Variants in OR5H2 observed in about 807,000 individuals in gnomAD.
OR5H2 encodes the protein olfactory receptor family 5 subfamily H member 2.
For synonymous variants in OR5H2, 132 were observed against 126.8 expected, an observed-to-expected ratio of 1.04 and a Z score of -0.27; for missense variants, 391 against 364.4, an observed-to-expected ratio of 1.07 and a Z score of -0.59.
In OR5H2 at chr3:98,283,029, C is replaced by T. The variant is rs773652333; in HGVS notation, c.127C>T (p.Leu43Phe). 3 of 1,613,986 alleles carry T rather than the reference C, an allele frequency of 1.9e-6. No individual in the cohort carries two copies. The highest frequency in any genetic ancestry group is 2.5e-6 in the Non-Finnish European group (3 of 1,179,928). The change falls in exon 1 of 1, where the codon CTT becomes TTT. Residue 43 changes from leucine to phenylalanine, a missense_variant. Physicochemically the swap from Leu to Phe is conservative, Grantham distance 22. Coordinates refer to ENST00000355273, the MANE Select transcript of OR5H2 (RefSeq NM_001005482.2). Reference protein sequence around the residue: ...VIYLITIVWNLGLIALIWNDP... With the variant: ...VIYLITIVWNFGLIALIWNDP... ...CTATCTCATCACTATTGTGTGGAAC[C>T]TTGGTCTGATTGCTCTTATCTGGAA...
Position 98,283,272 on chromosome 3 carries a change from G to A in OR5H2, c.370G>A (p.Val124Ile), listed in dbSNP as rs760702252. 1.2e-6 allele frequency: 2 copies of A among 1,613,712 alleles called. No individual in the cohort carries two copies. Among genetic ancestry groups the A allele is most frequent in the East Asian group, 4.5e-5 (2 of 44,864 alleles). ...GGCAACAATGGCATATGATCGCTAT[G>A]TAGCCATATGCAAACCTTTACTATA... is the stretch of plus-strand genomic sequence containing the variant. ...LLATMAYDRY[V>I]AICKPLLYPV... Residue 124 changes from valine (V) to isoleucine (I), a missense_variant, in exon 1 of 1, where the codon GTA (valine) becomes ATA (isoleucine). By Grantham distance (29) the Val-to-Ile change is conservative. Coordinates refer to ENST00000355273, the MANE Select transcript of OR5H2 (RefSeq NM_001005482.2).
chr3:98,283,696 C>T lies in OR5H2; in HGVS notation c.794C>T (p.Pro265Leu), dbSNP rs1251322364. 1 of 1,612,966 alleles carries T rather than the reference C, an allele frequency of 6.2e-7. No individual in the cohort carries two copies. The highest frequency in any genetic ancestry group is 1.1e-5 in the South Asian group (1 of 90,960). Residue 265 changes from proline (P) to leucine (L), a missense_variant, in exon 1 of 1, where the codon CCA becomes CTA. Transcript: ENST00000355273. Reference sequence around the variant, plus strand: ...TTCATGTATTTGCGCCCTGCATCTCCACAAGCAGATGACCAAGATATGATA... The same window carrying T: ...TTCATGTATTTGCGCCCTGCATCTCTACAAGCAGATGACCAAGATATGATA... ...LIFMYLRPAS[P>L]QADDQDMIDS...
Position 98,283,242 on chromosome 3 carries a change from C to G in OR5H2, c.340C>G (p.Leu114Val), listed in dbSNP as rs771224067. 6.2e-7 allele frequency: 1 copy of G among 1,613,934 alleles called. No individual in the cohort carries two copies. The highest frequency in any genetic ancestry group is 2.2e-5 in the East Asian group (1 of 44,860). Residue 114 changes from leucine to valine, a missense_variant, in exon 1 of 1, where the codon CTC becomes GTC. Leu to Val is a conservative substitution (Grantham distance 32). Coordinates refer to ENST00000355273, the MANE Select transcript of OR5H2 (RefSeq NM_001005482.2). ...ATTTGGTGGAACTACAGAATGTTTT[C>G]TCTTGGCAACAATGGCATATGATCG... ...FAFGGTTECF[L>V]LATMAYDRYV... is the part of the protein sequence containing the mutation.
Position 98,283,169 on chromosome 3 carries a change from C to G in OR5H2, c.267C>G (p.Asn89Lys), listed in dbSNP as rs200743162. 1 of 1,614,044 alleles carries G rather than the reference C, an allele frequency of 6.2e-7. No homozygotes were observed. The highest frequency in any genetic ancestry group is 2.2e-5 in the East Asian group (1 of 44,876). The change falls in exon 1 of 1, where the codon AAC (asparagine) becomes AAG (lysine). Residue 89 changes from asparagine to lysine, a missense_variant. By Grantham distance (94) the Asn-to-Lys change is moderately conservative. Coordinates refer to ENST00000355273, the MANE Select transcript of OR5H2 (RefSeq NM_001005482.2). ...PKMLVNFLAKNRMISLSECMI... is the reference protein window; with the variant it reads ...PKMLVNFLAKKRMISLSECMI... ...TGTTGGTTAATTTCTTGGCCAAAAA[C>G]AGGATGATATCTCTGTCTGAATGCA...
In OR5H2 at chr3:98,283,122, T is replaced by C; in HGVS notation, c.220T>C (p.Ser74Pro). The C allele has an allele frequency of 6.2e-7, 1 of 1,614,054 alleles. No individual in the cohort carries two copies. Among genetic ancestry groups the C allele is most frequent in the Non-Finnish European group, 8.5e-7 (1 of 1,179,918 alleles). The change falls in exon 1 of 1, where the codon TCT becomes CCT. Residue 74 changes from serine (S) to proline (P), a missense_variant. Transcript: ENST00000355273. The stretch of plus-strand genomic sequence containing the variant: ...TTTAGCCTTTGTTGATGCTTGGATA[T>C]CTTCCACAGTAACTCCCAAAATGTT... ...GSLAFVDAWI[S>P]STVTPKMLVN...
Position 98,282,993 on chromosome 3 carries a change from T to C in OR5H2, c.91T>C (p.Phe31Leu). 6.2e-7 allele frequency: 1 copy of C among 1,613,804 alleles called. No individual in the cohort carries two copies. Among genetic ancestry groups the C allele is most frequent in the Non-Finnish European group, 8.5e-7 (1 of 1,179,892 alleles). ...GTGGAAAATGCCCCTGTTCTTGGTG[T>C]TCTTGGTGATCTATCTCATCACTAT... ...PEWKMPLFLV[F>L]LVIYLITIVW... is the part of the protein sequence containing the mutation. Residue 31 changes from phenylalanine (F) to leucine (L), a missense_variant, in exon 1 of 1, where the codon TTC becomes CTC. Phe to Leu is a conservative substitution (Grantham distance 22). Transcript: ENST00000355273.
Position 98,283,195 on chromosome 3 carries a change from T to C in OR5H2, c.293T>C (p.Met98Thr), listed in dbSNP as rs761623775. ...AGGATGATATCTCTGTCTGAATGCA[T>C]GATTCAATTTTTTTCCTTTGCATTT... ...KNRMISLSEC[M>T]IQFFSFAFGG... The change falls in exon 1 of 1, where the codon ATG becomes ACG. Residue 98 changes from methionine to threonine, a missense_variant. By Grantham distance (81) the Met-to-Thr change is moderately conservative. Coordinates refer to ENST00000355273, the MANE Select transcript of OR5H2 (RefSeq NM_001005482.2). 1 of 1,614,004 alleles carries C rather than the reference T, an allele frequency of 6.2e-7. No homozygotes were observed. Among genetic ancestry groups the C allele is most frequent in the Non-Finnish European group, 8.5e-7 (1 of 1,179,946 alleles).
chr3:98,283,799 T>C lies in OR5H2; in HGVS notation c.897T>C (p.Asp299=). 6.5e-7 allele frequency: 1 copy of C among 1,544,730 alleles called. No individual in the cohort carries two copies. The highest frequency in any genetic ancestry group is 8.8e-7 in the Non-Finnish European group (1 of 1,141,622). Residue 299 remains aspartate (D), a synonymous_variant, in exon 1 of 1, where the codon GAT becomes GAC. Transcript: ENST00000355273. ...GTCTGAGAAATAAACAAGTAATAGA[T>C]TCATTCACAAAAATGGTAAAAAGAA... ...IYSLRNKQVI[D]SFTKMVKRNV is the part of the protein sequence containing the mutation.
chr3:98,283,285 A>C lies in OR5H2; in HGVS notation c.383A>C (p.Lys128Thr). 6.2e-7 allele frequency: 1 copy of C among 1,613,844 alleles called. No homozygotes were observed. Among genetic ancestry groups the C allele is most frequent in the Non-Finnish European group, 8.5e-7 (1 of 1,179,912 alleles). ...MAYDRYVAICKPLLYPVIMNN... is the reference protein window; with the variant it reads ...MAYDRYVAICTPLLYPVIMNN... ...TATGATCGCTATGTAGCCATATGCA[A>C]ACCTTTACTATATCCAGTGATTATG... The change falls in exon 1 of 1, where the codon AAA becomes ACA. Residue 128 changes from lysine (K) to threonine (T), a missense_variant. Lys to Thr is a moderately conservative substitution (Grantham distance 78). Transcript: ENST00000355273.
chr3:98,283,155 T>G lies in OR5H2; in HGVS notation c.253T>G (p.Phe85Val). Residue 85 changes from phenylalanine (F) to valine (V), a missense_variant, in exon 1 of 1, where the codon TTC (phenylalanine) becomes GTC (valine). Coordinates refer to ENST00000355273, the MANE Select transcript of OR5H2 (RefSeq NM_001005482.2). ...AGTAACTCCCAAAATGTTGGTTAAT[T>G]TCTTGGCCAAAAACAGGATGATATC... ...STVTPKMLVN[F>V]LAKNRMISLS... 6.2e-7 allele frequency: 1 copy of G among 1,614,050 alleles called. No homozygotes were observed. The highest frequency in any genetic ancestry group is 1.3e-5 in the African/African-American group (1 of 75,032).
At position 98,283,201 on chromosome 3, in the gene OR5H2, A is replaced by C. The variant is rs767536609; in HGVS notation, c.299A>C (p.Gln100Pro). 5.3e-5 allele frequency: 85 copies of C among 1,613,830 alleles called. No homozygotes were observed. Among genetic ancestry groups the C allele is most frequent in the Non-Finnish European group, 7.1e-5 (84 of 1,179,930 alleles). ...RMISLSECMI[Q>P]FFSFAFGGTT... ...ATATCTCTGTCTGAATGCATGATTC[A>C]ATTTTTTTCCTTTGCATTTGGTGGA... Residue 100 changes from glutamine (Q) to proline (P), a missense_variant, in exon 1 of 1, where the codon CAA (glutamine) becomes CCA (proline). Gln to Pro is a moderately conservative substitution (Grantham distance 76). Coordinates refer to ENST00000355273, the MANE Select transcript of OR5H2 (RefSeq NM_001005482.2).
Position 98,283,832 on chromosome 3 carries a change from G to T in OR5H2, c.930G>T (p.Ter310TyrextTer3), listed in dbSNP as rs374320933. ...CAAAAATGGTAAAAAGAAATGTTTA[G>T]ATTTCATAGTGATATCTCTCATTTT... is the stretch of plus-strand genomic sequence containing the variant. ...SFTKMVKRNV[*>Y] is the part of the protein sequence containing the mutation. Residue 310 changes from the stop codon to tyrosine, a stop_lost, in exon 1 of 1, where the codon TAG (stop) becomes TAT (tyrosine). Transcript: ENST00000355273. 6.8e-7 allele frequency: 1 copy of T among 1,470,416 alleles called. No homozygotes were observed. Among genetic ancestry groups the T allele is most frequent in the South Asian group, 1.3e-5 (1 of 79,900 alleles). 91.1% of individuals were successfully genotyped at this position (1,470,416 alleles called of 1,614,324 possible).
rs773217642 is a variant in OR5H2, at chr3:98,283,268, C to T, written c.366C>T (p.Arg122=). The T allele has an allele frequency of 6.2e-7, 1 of 1,613,890 alleles. No individual in the cohort carries two copies. The highest frequency in any genetic ancestry group is 2.2e-5 in the East Asian group (1 of 44,866). ...TCTTGGCAACAATGGCATATGATCG[C>T]TATGTAGCCATATGCAAACCTTTAC... The part of the protein sequence containing the change: ...CFLLATMAYD[R]YVAICKPLLY... Residue 122 remains arginine (R), a synonymous_variant, in exon 1 of 1, where the codon CGC becomes CGT. Transcript: ENST00000355273.
In OR5H2 at chr3:98,282,892, C is replaced by T. The variant is rs146308829; in HGVS notation, c.-11C>T. ...TTACTGCATTTCATTTCAGGGATGT[C>T]GAATGAGGACATGGAACAGGATAAT... On this transcript the variant is annotated 5_prime_UTR_variant, in exon 1 of 1. An upstream open reading frame in the 5' UTR gains an earlier in-frame stop. Coordinates refer to ENST00000355273, the MANE Select transcript of OR5H2 (RefSeq NM_001005482.2). The T allele has an allele frequency of 1.1e-4, 179 of 1,611,950 alleles. No individual in the cohort carries two copies. In the African/African-American group the frequency reaches 1.7e-3, roughly 15 times the overall value.
rs766645818 is a variant in OR5H2, at chr3:98,283,934, A to G, written c.*102A>G. On this transcript the variant is annotated 3_prime_UTR_variant, in exon 1 of 1. Coordinates refer to ENST00000355273, the MANE Select transcript of OR5H2 (RefSeq NM_001005482.2). ...TTATTGTAAATATAATTGTTTTAGC[A>G]TTTTAATGACTTAGGGTTTTATACC... is the stretch of plus-strand genomic sequence containing the variant. The G allele has an allele frequency of 1.9e-4, 122 of 638,708 alleles. No homozygotes were observed. The highest frequency in any genetic ancestry group is 8.6e-4 in the Middle Eastern group (2 of 2,328). The allele number at this position is 638,708 out of a possible 1,614,324, so 39.6% of individuals were successfully genotyped here.
rs761216085 is a variant in OR5H2 at position 98,283,655 on chromosome 3, T to A, written c.753T>A (p.Tyr251Ter). The change falls in exon 1 of 1, where the codon TAT becomes TAA. Residue 251 changes from tyrosine to a stop codon, truncating the protein, a stop_gained. Coordinates refer to ENST00000355273, the MANE Select transcript of OR5H2 (RefSeq NM_001005482.2). LOFTEE classifies it low-confidence loss of function (END_TRUNC). ...CCCATCTCTTATCTGTCTCTTTATA[T>A]TATGGCCCACTTATCTTCATGTATT... ...CGAHLLSVSL[Y>*]YGPLIFMYLR... 1.9e-6 allele frequency: 3 copies of A among 1,613,584 alleles called. No homozygotes were observed. Among genetic ancestry groups the A allele is most frequent in the South Asian group, 1.1e-5 (1 of 91,028 alleles).
chr3:98,283,517 A>T lies in OR5H2; in HGVS notation c.615A>T (p.Ser205=), dbSNP rs989839526. The stretch of plus-strand genomic sequence containing the variant: ...TAATGGTTTTTATTTTGTCTGGCTC[A>T]ATTCAGGTATTCACCATTGTGACAG... ...NFLMVFILSG[S]IQVFTIVTVL... is the part of the protein sequence containing the mutation. The change falls in exon 1 of 1, where the codon TCA becomes TCT. Residue 205 remains serine, a synonymous_variant. Coordinates refer to ENST00000355273, the MANE Select transcript of OR5H2 (RefSeq NM_001005482.2). The T allele has an allele frequency of 1.9e-6, 3 of 1,612,856 alleles. No individual in the cohort carries two copies. In the African/African-American group the frequency reaches 4.0e-5, roughly 22 times the overall value.
Position 98,283,788 on chromosome 3 carries a change from CAAGT to C in OR5H2, c.889_892del (p.Val297Ter). On this transcript the variant is annotated frameshift_variant, in exon 1 of 1. Coordinates refer to ENST00000355273, the MANE Select transcript of OR5H2 (RefSeq NM_001005482.2). LOFTEE classifies it low-confidence loss of function (END_TRUNC). ...CATTATCTACAGTCTGAGAAATAAA[CAAGT>C]AATAGATTCATTCACAAAAATGGTA... 6.4e-7 allele frequency: 1 copy of C among 1,564,106 alleles called. No homozygotes were observed. Among genetic ancestry groups the C allele is most frequent in the Non-Finnish European group, 8.7e-7 (1 of 1,150,764 alleles).
chr3:98,283,165 A>G lies in OR5H2; in HGVS notation c.263A>G (p.Lys88Arg). The G allele has an allele frequency of 1.9e-6, 3 of 1,614,088 alleles. No homozygotes were observed. The highest frequency in any genetic ancestry group is 2.5e-6 in the Non-Finnish European group (3 of 1,179,966). The change falls in exon 1 of 1, where the codon AAA becomes AGA. Residue 88 changes from lysine (K) to arginine (R), a missense_variant. Coordinates refer to ENST00000355273, the MANE Select transcript of OR5H2 (RefSeq NM_001005482.2). ...AAAATGTTGGTTAATTTCTTGGCCA[A>G]AAACAGGATGATATCTCTGTCTGAA... is the stretch of plus-strand genomic sequence containing the variant. ...TPKMLVNFLA[K>R]NRMISLSECM... is the part of the protein sequence containing the mutation.
Sources: allele counts gnomAD v4.1 joint callset, GRCh38; gene constraint gnomAD v4.1.1; transcripts MANE v1.5; gene names NCBI Gene and HGNC (gene_info 2026-07-23, HGNC 2026-07-21).